Variants in NECTIN2 observed in about 807,000 individuals in gnomAD.
The protein encoded by NECTIN2 is nectin cell adhesion molecule 2.
NECTIN2 carries 23 observed loss-of-function variants against 56.9 expected under a neutral mutation model. The ratio of observed to expected loss-of-function variants is 0.40; its 90% CI spans 0.29 to 0.57. The LOEUF is 0.57. Among genes scored for constraint, NECTIN2 ranks in the 20% least tolerant of loss-of-function variants. NECTIN2 has a pLI of 0.38. For missense variants in NECTIN2, 587 were observed against 718.3 expected, an observed-to-expected ratio of 0.82 and a Z score of 2.09; for synonymous variants, 302 against 313.8, an observed-to-expected ratio of 0.96 and a Z score of 0.40.
In NECTIN2 at chr19:44,846,551, C is replaced by G. The variant is rs1468614650; in HGVS notation, c.26C>G (p.Pro9Arg). The G allele has an allele frequency of 1.3e-6, 2 of 1,523,918 alleles. No homozygotes were observed. The highest frequency in any genetic ancestry group is 2.6e-5 in the East Asian group (1 of 39,120). The allele number at this position is 1,523,918 out of a possible 1,614,324, so 94.4% of individuals were successfully genotyped here. MARAAALL[P>R]SRSPPTPLLW... The stretch of plus-strand genomic sequence containing the variant: ...ATGGCCCGGGCCGCTGCCCTCCTGC[C>G]GTCGAGATCGCCGCCGACGCCGCTG... The change falls in exon 1 of 9, where the codon CCG (proline) becomes CGG (arginine). Residue 9 changes from proline to arginine, a missense_variant. By Grantham distance (103) the Pro-to-Arg change is moderately radical (BLOSUM62 -2). Coordinates refer to ENST00000252483, the MANE Select transcript of NECTIN2 (RefSeq NM_001042724.2).
chr19:44,869,820 A>C (rs1338717492), intron 2 of NECTIN2, among the ~76,000 whole-genome samples: 1 of 151,930 alleles, frequency 6.6e-6, no homozygotes, highest in Non-Finnish European at 1.5e-5. Flanking sequence ...ATGGTGGCGC[A>C]CACCTGTAAT....
At chr19:44,851,658 G>A (rs1968901351) in intron 1 of NECTIN2, among the ~76,000 whole-genome samples, 2 of 152,174 alleles carry the variant, frequency 1.3e-5, no homozygotes, top group Admixed American at 1.3e-4. Context: ...AAGTGTGTCT[G>A]GGGACCCAGC....
rs1478682047 is a variant in NECTIN2 at position 44,882,309 on chromosome 19, A to T, written c.1141A>T (p.Ile381Phe). ...TGCTGTGGCTGCCACGGGCATCCTTATCTGCCGGCAGCAGCGGAAGGAGCA... is the reference window on the plus strand; with the variant it reads ...TGCTGTGGCTGCCACGGGCATCCTTTTCTGCCGGCAGCAGCGGAAGGAGCA... ...ATAVAATGIL[I>F]CRQQRKEQTL... Residue 381 changes from isoleucine (I) to phenylalanine (F), a missense_variant, in exon 6 of 9, where the codon ATC (isoleucine) becomes TTC (phenylalanine). Physicochemically the swap from Ile to Phe is conservative, Grantham distance 21. Transcript: ENST00000252483. The T allele has an allele frequency of 1.9e-6, 3 of 1,554,322 alleles. No individual in the cohort carries two copies. The African/African-American group carries it at 4.2e-5, about 22-fold the overall frequency.
intron 2 of NECTIN2, among the ~76,000 whole-genome samples, chr19:44,871,482 C>G (rs1249189973): frequency 1.3e-5 from 2 of 152,112 alleles, no homozygotes; most frequent in Non-Finnish European, 2.9e-5. Context: ...AAGCTATGAT[C>G]ACACCACTGC....
intron 8 of NECTIN2, among the ~76,000 whole-genome samples, chr19:44,887,715 G>A (rs1048015404): frequency 1.3e-5 from 2 of 152,100 alleles, no homozygotes; most frequent in African/African-American, 4.8e-5. Context: ...CCTGAAGCTG[G>A]GACAAGACAA....
At position 44,875,689 on chromosome 19, in the gene NECTIN2, G is replaced by T. The variant is rs1024869649; in HGVS notation, c.1042+1211G>T. On this transcript the variant is annotated intron_variant, in intron 5 of 8. Coordinates refer to ENST00000252483, the MANE Select transcript of NECTIN2 (RefSeq NM_001042724.2). The surrounding 1 kb of genome is among the most constrained non-coding windows in gnomAD (Gnocchi z 4.2). ...TGTAGGGACAAACTCCCAGACAGGG[G>T]CTGTCCCTGTCATGCAGACAGACTA... Among the ~76,000 whole-genome samples, 2 of 152,124 alleles carry T rather than the reference G, an allele frequency of 1.3e-5. No homozygotes were observed. The highest frequency in any genetic ancestry group is 4.8e-5 in the African/African-American group (2 of 41,400).
At chr19:44,864,023 A>ACC (rs1969066523) in intron 1 of NECTIN2, among the ~76,000 whole-genome samples, 1 of 129,562 alleles carries the variant, frequency 7.7e-6, no homozygotes, top group Non-Finnish European at 1.7e-5. Context: ...CCCCCCCCCC[A>ACC]AAAAAAAATC....
chr19:44,869,735 G>A (rs1362083197), intron 2 of NECTIN2, among the ~76,000 whole-genome samples: 1 of 152,032 alleles, frequency 6.6e-6, no homozygotes, highest in Non-Finnish European at 1.5e-5. Context: ...AGCAGCTCTT[G>A]CAAGTGAGCT....
chr19:44,871,374 A>T (rs543392806), intron 2 of NECTIN2, among the ~76,000 whole-genome samples: 2 of 152,228 alleles, frequency 1.3e-5, no homozygotes, highest in Admixed American at 6.5e-5. Context: ...AAAAAAATTT[A>T]AAAATTAGCC....
intron 3 of NECTIN2, among the ~76,000 whole-genome samples, chr19:44,872,537 G>A (rs755330149): frequency 2.2e-4 from 34 of 151,992 alleles, no homozygotes; most frequent in Non-Finnish European, 3.7e-4. Flanking sequence ...TCCCCAGAGA[G>A]TTGGTTTACC....
chr19:44,858,634 C>A (rs1968997555), intron 1 of NECTIN2, among the ~76,000 whole-genome samples: 2 of 147,462 alleles, frequency 1.4e-5, no homozygotes, highest in South Asian at 4.3e-4. Context: ...TTTTTTCTTT[C>A]TTTCTTTTCT....
intron 1 of NECTIN2, among the ~76,000 whole-genome samples, chr19:44,854,633 C>T (rs1448513568): frequency 3.3e-5 from 5 of 151,272 alleles, no homozygotes; most frequent in South Asian, 2.1e-4. Context: ...GCTGACATGG[C>T]GAAACCCCAT....
rs1262896057 is a variant in NECTIN2 at position 44,871,807 on chromosome 19, T to C, written c.479-46T>C. The C allele has an allele frequency of 5.1e-6, 8 of 1,580,100 alleles. No homozygotes were observed. In the Admixed American group the frequency reaches 1.4e-4, roughly 27 times the overall value. On this transcript the variant is annotated intron_variant, in intron 2 of 8. Transcript: ENST00000252483. ...GCTCCTCTGCTGAGTGTTTGTTGAATGACTGCCGGTGAGGAGTGACGCACC... is the reference window on the plus strand; with the variant it reads ...GCTCCTCTGCTGAGTGTTTGTTGAACGACTGCCGGTGAGGAGTGACGCACC...
At position 44,875,545 on chromosome 19, in the gene NECTIN2, C is replaced by T. The variant is rs894144401; in HGVS notation, c.1042+1067C>T. Among the ~76,000 whole-genome samples the T allele has an allele frequency of 2.0e-5, 3 of 152,196 alleles. No homozygotes were observed. Among genetic ancestry groups the T allele is most frequent in the African/African-American group, 7.2e-5 (3 of 41,456 alleles). On this transcript the variant is annotated intron_variant, in intron 5 of 8. Coordinates refer to ENST00000252483, the MANE Select transcript of NECTIN2 (RefSeq NM_001042724.2). This position sits in a 1 kb window ranked among gnomAD's most constrained non-coding sequence, Gnocchi z 4.2. ...CCTCACGAAGTGCTGGGATTATATG[C>T]ATGAGCCACTGCGCCTGGCCAGAAA...
At position 44,888,680 on chromosome 19, in the gene NECTIN2, C is replaced by T. The variant is rs538877060; in HGVS notation, c.*301C>T. The T allele has an allele frequency of 2.6e-6, 1 of 390,272 alleles. No individual in the cohort carries two copies. The highest frequency in any genetic ancestry group is 4.7e-6 in the Non-Finnish European group (1 of 212,820). 24.2% of individuals were successfully genotyped at this position (390,272 alleles called of 1,614,324 possible). ...CTGTGACCTTAGACCATACCTCTCACCCCCCAATGCCTCGACTCCCCCAAA... is the reference window on the plus strand; with the variant it reads ...CTGTGACCTTAGACCATACCTCTCATCCCCCAATGCCTCGACTCCCCCAAA... On this transcript the variant is annotated 3_prime_UTR_variant, in exon 9 of 9. Coordinates refer to ENST00000252483, the MANE Select transcript of NECTIN2 (RefSeq NM_001042724.2).
intron 7 of NECTIN2, 63 bp downstream of exon 7, chr19:44,886,063 G>A (rs1969357485): frequency 6.4e-7 from 1 of 1,569,294 alleles, no homozygotes; most frequent in Non-Finnish European, 8.8e-7. Context: ...GGCTGGGAGG[G>A]GCCTGGCAGG....
Position 44,888,264 on chromosome 19 carries a change from A to G in NECTIN2, c.1502A>G (p.Glu501Gly), listed in dbSNP as rs532803090. Residue 501 changes from glutamate (E) to glycine (G), a missense_variant, in exon 9 of 9, where the codon GAG becomes GGG. Physicochemically the swap from Glu to Gly is moderately conservative, Grantham distance 98. Coordinates refer to ENST00000252483, the MANE Select transcript of NECTIN2 (RefSeq NM_001042724.2). ...GATCTAGAGGATGAGGAGGGGGAGG[A>G]GGAGGAAGAGTATCTGGACAAGATC... ...SLDLEDEEGE[E>G]EEEYLDKINP... 1.2e-6 allele frequency: 2 copies of G among 1,613,992 alleles called. No homozygotes were observed. The highest frequency in any genetic ancestry group is 8.5e-7 in the Non-Finnish European group (1 of 1,179,986).
rs147466807 is a variant in NECTIN2 at position 44,873,824 on chromosome 19, C to T, written c.776-92C>T. 340 of 950,646 alleles carry T rather than the reference C, an allele frequency of 3.6e-4. 3 individuals carry two copies. The East Asian group carries it at 6.7e-3, about 19-fold the overall frequency. 58.9% of individuals were successfully genotyped at this position (950,646 alleles called of 1,614,324 possible). Reference sequence around the variant, plus strand: ...ACTGCTGTACCTCCTGCCAACCCGCCCCGTTTCTTTAGCATTCCTGTCTAT... The same window carrying T: ...ACTGCTGTACCTCCTGCCAACCCGCTCCGTTTCTTTAGCATTCCTGTCTAT... On this transcript the variant is annotated intron_variant, in intron 3 of 8. Transcript: ENST00000252483.
chr19:44,883,759 A>G (rs1174033047), intron 6 of NECTIN2, among the ~76,000 whole-genome samples: 1 of 152,180 alleles, frequency 6.6e-6, no homozygotes. Context: ...CAGGAGCTCA[A>G]GTCTGCAATG....
Sources: gnomAD v4.1 joint callset for allele counts (sites outside exome capture counted in the v4.1 genomes callset) on GRCh38, gnomAD v4.1.1 for gene constraint, Gnocchi (gnomAD v3.1) non-coding constraint, MANE v1.5 for transcripts, NCBI Gene and HGNC (gene_info 2026-07-23, HGNC 2026-07-21) for gene names.